Variants in ANGPTL2 observed in about 807,000 individuals in gnomAD.
ANGPTL2 encodes angiopoietin like 2.
Under a neutral mutation model 52.8 loss-of-function variants are expected in ANGPTL2, and 25 were observed. The ratio of observed to expected loss-of-function variants is 0.47; its 90% CI spans 0.35 to 0.66. The LOEUF is 0.66. ANGPTL2 is among the 30% of genes least tolerant of loss of function. The pLI is 0.01. For missense variants in ANGPTL2, 546 were observed against 656.9 expected (o/e 0.83, Z 1.84); for synonymous variants, 276 against 277.4 (o/e 1.00, Z 0.05).
Position 127,088,727 on chromosome 9 carries a change from G to C in ANGPTL2, c.*212C>G, listed in dbSNP as rs1222562570. ...CTGTCCTGTCCTGGAGACATGAGGG[G>C]CTGTCTGGTGTGAAGGAAAGTAGGA... On this transcript the variant is annotated 3_prime_UTR_variant, in exon 5 of 5. Coordinates refer to ENST00000373425, the MANE Select transcript of ANGPTL2 (RefSeq NM_012098.3). 1 of 604,430 alleles carries C rather than the reference G, an allele frequency of 1.7e-6. No homozygotes were observed. Among genetic ancestry groups the C allele is most frequent in the East Asian group, 2.8e-5 (1 of 35,512 alleles). The allele number at this position is 604,430 out of a possible 1,614,324, so 37.4% of individuals were successfully genotyped here. A position where few individuals can be genotyped will look rare whatever the true frequency, so the allele number is the denominator to read the frequency against.
intron 2 of ANGPTL2, among the ~76,000 whole-genome samples, chr9:127,103,252 A>G (rs1281526664): frequency 2.0e-5 from 3 of 152,224 alleles, no homozygotes; most frequent in African/African-American, 4.8e-5. Flanking sequence ...CAGGTGGAAA[A>G]TCCATCTAGG....
intron 4 of ANGPTL2, 149 bp from the exon 5 acceptor site, chr9:127,089,287 G>C: frequency 1.3e-6 from 1 of 787,694 alleles, no homozygotes; most frequent in South Asian, 1.7e-5. Context: ...GGTGGTGAGA[G>C]GCCATGCTTC....
At chr9:127,092,809 A>T (rs1467587781) in intron 3 of ANGPTL2, among the ~76,000 whole-genome samples, 1 of 152,058 alleles carries the variant, frequency 6.6e-6, no homozygotes, top group Non-Finnish European at 1.5e-5. Flanking sequence ...AGGAGAAAAA[A>T]GCAGAGACAC....
chr9:127,108,633 G>A lies in ANGPTL2; in HGVS notation c.99C>T (p.Gly33=). The A allele has an allele frequency of 5.6e-6, 9 of 1,613,678 alleles. No individual in the cohort carries two copies. Among genetic ancestry groups the A allele is most frequent in the Non-Finnish European group, 7.6e-6 (9 of 1,179,958 alleles). Residue 33 remains glycine, a synonymous_variant, in exon 2 of 5, where the codon GGC becomes GGT. Transcript: ENST00000373425. ...QEDGFEGTEE[G]SPREFIYLNR... Reference sequence around the variant, plus strand: ...TTAGGTAAATGAACTCTCTTGGCGAGCCCTCCTCAGTGCCCTCAAAACCGT... The same window carrying A: ...TTAGGTAAATGAACTCTCTTGGCGAACCCTCCTCAGTGCCCTCAAAACCGT...
intron 2 of ANGPTL2, among the ~76,000 whole-genome samples, chr9:127,103,187 G>T (rs141535555): frequency 6.6e-6 from 1 of 152,368 alleles, no homozygotes; most frequent in East Asian, 1.9e-4. Context: ...ATACCATTGT[G>T]CTGGGGAACC....
Position 127,088,768 on chromosome 9 carries a change from G to T in ANGPTL2, c.*171C>A. On this transcript the variant is annotated 3_prime_UTR_variant, in exon 5 of 5. Transcript: ENST00000373425. ...GAAAGTAGGAGGGACAGAAAACACC[G>T]TATCGATTCAGTTCCATCATCCGCT... 1.4e-6 allele frequency: 1 copy of T among 723,320 alleles called. No individual in the cohort carries two copies. The highest frequency in any genetic ancestry group is 2.3e-6 in the Non-Finnish European group (1 of 431,780). The allele number at this position is 723,320 out of a possible 1,614,324, so 44.8% of individuals were successfully genotyped here.
At chr9:127,121,778 G>A (rs1010243745) in intron 1 of ANGPTL2, among the ~76,000 whole-genome samples, 24 of 152,170 alleles carry the variant, frequency 1.6e-4, no homozygotes, top group African/African-American at 4.6e-4. Context: ...TGCTCTCCTC[G>A]CCAGCTGGAG....
rs778400951 is a variant in ANGPTL2, at chr9:127,089,039, C to T, written c.1382G>A (p.Arg461His). 21 of 1,614,078 alleles carry T rather than the reference C, an allele frequency of 1.3e-5. No individual in the cohort carries two copies. The highest frequency in any genetic ancestry group is 5.0e-5 in the Admixed American group (3 of 60,002). ...AGCCCAGTAGACTCCGTCCTGGTAG[C>T]GGCTCCGGTAATGGCCCCCGCGGTA... ...VWYRGGHYRS[R>H]YQDGVYWAEF... The change falls in exon 5 of 5, where the codon CGC becomes CAC. Residue 461 changes from arginine (R) to histidine (H), a missense_variant. Coordinates refer to ENST00000373425, the MANE Select transcript of ANGPTL2 (RefSeq NM_012098.3).
chr9:127,122,292 T>C lies in ANGPTL2; in HGVS notation c.-50+23A>G, dbSNP rs1412688328. ...GGCTGCCTCTCGCCCCTGCCTCTCATGGCCGCAGAGCTGGCCCCTTACCTC... is the reference window on the plus strand; with the variant it reads ...GGCTGCCTCTCGCCCCTGCCTCTCACGGCCGCAGAGCTGGCCCCTTACCTC... On this transcript the variant is annotated intron_variant, in intron 1 of 4. Transcript: ENST00000373425. The surrounding 1 kb of genome is among the most constrained non-coding windows in gnomAD (Gnocchi z 6.4). 1 of 152,312 alleles carries C rather than the reference T, an allele frequency of 6.6e-6. No individual in the cohort carries two copies. The highest frequency in any genetic ancestry group is 1.9e-4 in the East Asian group (1 of 5,176). The allele number at this position is 152,312 out of a possible 1,614,324, so 9.4% of individuals were successfully genotyped here. A position where few individuals can be genotyped will look rare whatever the true frequency, so the allele number is the denominator to read the frequency against.
At chr9:127,110,342 C>T (rs912263142) in intron 1 of ANGPTL2, among the ~76,000 whole-genome samples, 2 of 152,328 alleles carry the variant, frequency 1.3e-5, no homozygotes, top group East Asian at 3.9e-4. Flanking sequence ...TTCCAGAGCG[C>T]CACCCTGCCT....
chr9:127,094,998 G>C (rs1243283164), intron 2 of ANGPTL2, among the ~76,000 whole-genome samples: 1 of 152,204 alleles, frequency 6.6e-6, no homozygotes, highest in Non-Finnish European at 1.5e-5. Context: ...GGACAGGCTG[G>C]GGCCTTTCTC....
At chr9:127,104,817 A>G (rs187561046) in intron 2 of ANGPTL2, among the ~76,000 whole-genome samples, 1 of 152,352 alleles carries the variant, frequency 6.6e-6, no homozygotes, top group East Asian at 1.9e-4. Flanking sequence ...GCTCGGATGC[A>G]AAGGTGTTTA....
chr9:127,118,728 TG>T (rs1401882864), intron 1 of ANGPTL2, among the ~76,000 whole-genome samples: 3 of 152,234 alleles, frequency 2.0e-5, no homozygotes, highest in African/African-American at 7.2e-5. Flanking sequence ...CCAGTCCTGC[TG>T]GGCTGTGGGC....
intron 2 of ANGPTL2, among the ~76,000 whole-genome samples, chr9:127,103,570 C>T (rs1308024175): frequency 6.6e-6 from 1 of 152,198 alleles, no homozygotes; most frequent in African/African-American, 2.4e-5. Flanking sequence ...TCAGTTGGGT[C>T]CATTTGCTGG....
chr9:127,120,713 A>G (rs1430540810), intron 1 of ANGPTL2, among the ~76,000 whole-genome samples: 1 of 152,096 alleles, frequency 6.6e-6, no homozygotes, highest in Non-Finnish European at 1.5e-5. Context: ...CTGTAGCCCC[A>G]GCTACTCGGG....
intron 4 of ANGPTL2, 150 bp from the exon 5 acceptor site, chr9:127,089,288 G>A (rs2052157988): frequency 2.5e-6 from 2 of 786,120 alleles, no homozygotes; most frequent in African/African-American, 3.5e-5. Context: ...GTGGTGAGAG[G>A]CCATGCTTCA....
At chr9:127,100,206 A>G (rs2053576253) in intron 2 of ANGPTL2, among the ~76,000 whole-genome samples, 1 of 152,242 alleles carries the variant, frequency 6.6e-6, no homozygotes, top group Non-Finnish European at 1.5e-5. Flanking sequence ...TCTTAGCCAA[A>G]TAATTTTAAA....
chr9:127,098,905 C>T (rs1338766427), intron 2 of ANGPTL2, among the ~76,000 whole-genome samples: 2 of 152,226 alleles, frequency 1.3e-5, no homozygotes, highest in Non-Finnish European at 2.9e-5. Context: ...CCGTCCAGGC[C>T]CTAGTGGAGA....
chr9:127,092,553 C>T (rs1312673905), intron 3 of ANGPTL2, among the ~76,000 whole-genome samples: 3 of 151,960 alleles, frequency 2.0e-5, no homozygotes, highest in Non-Finnish European at 2.9e-5. Context: ...TAGTATTGAG[C>T]GCTTGTGATG....
Sources: allele counts gnomAD v4.1 joint callset (sites outside exome capture counted in the v4.1 genomes callset), GRCh38; gene constraint gnomAD v4.1.1; non-coding constraint Gnocchi (gnomAD v3.1); transcripts MANE v1.5; gene names NCBI Gene and HGNC (gene_info 2026-07-23, HGNC 2026-07-21).